The following NPY variants were observed in gnomAD, a reference collection of about 807,000 sequenced individuals.
NPY encodes the protein pro-neuropeptide Y.
Under a neutral mutation model 13.2 loss-of-function variants are expected in NPY, and 11 were observed. The ratio of observed to expected loss-of-function variants is 0.83; its 90% CI spans 0.52 to 1.38. The LOEUF is 1.38. Ranked by LOEUF, NPY falls within the 40% of genes most tolerant of loss-of-function variation. The pLI is 0.00. For missense variants in NPY, 109 were observed against 125.1 expected (o/e 0.87, Z 0.61); for synonymous variants, 51 against 55.6 (o/e 0.92, Z 0.37).
Position 24,284,260 on chromosome 7 carries a change from CCG to C in NPY, c.-10_-9del, listed in dbSNP as rs1418401860. 2 of 153,018 alleles carry C rather than the reference CCG, an allele frequency of 1.3e-5. No individual in the cohort carries two copies. Among genetic ancestry groups the C allele is most frequent in the African/African-American group, 4.8e-5 (2 of 41,316 alleles). 9.5% of individuals were successfully genotyped at this position (153,018 alleles called of 1,614,324 possible). A position where few individuals can be genotyped will look rare whatever the true frequency, so the allele number is the denominator to read the frequency against. On this transcript the variant is annotated 5_prime_UTR_variant, in exon 1 of 4. Transcript: ENST00000242152. ...CATAGTACTTGCCGCCCAGCCACGCCCGCGCGCCAGCCACCGTGAGTGCTACG... is the reference window on the plus strand; with the variant it reads ...CATAGTACTTGCCGCCCAGCCACGCCCGCGCCAGCCACCGTGAGTGCTACG...
At chr7:24,289,859 A>T (rs1787537164) in intron 3 of NPY, among the ~76,000 whole-genome samples, 1 of 152,206 alleles carries the variant, frequency 6.6e-6, no homozygotes, top group African/African-American at 2.4e-5. Flanking sequence ...GAAATTATAT[A>T]GAATTTCTAA....
chr7:24,289,698 G>A (rs1030493005), intron 3 of NPY, 119 bp downstream of exon 3: 7 of 605,424 alleles, frequency 1.2e-5, no homozygotes, highest in African/African-American at 5.7e-5. Flanking sequence ...GGGAGATTTC[G>A]GCAGAAATGA....
In NPY at chr7:24,289,398, A is replaced by G. The variant is rs974184473; in HGVS notation, c.189-101A>G. 18 of 693,782 alleles carry G rather than the reference A, an allele frequency of 2.6e-5. No individual in the cohort carries two copies. The Admixed American group carries it at 4.7e-4, about 18-fold the overall frequency. The allele number at this position is 693,782 out of a possible 1,614,324, so 43.0% of individuals were successfully genotyped here. A position where few individuals can be genotyped will look rare whatever the true frequency, so the allele number is the denominator to read the frequency against. On this transcript the variant is annotated intron_variant, in intron 2 of 3. Coordinates refer to ENST00000242152, the MANE Select transcript of NPY (RefSeq NM_000905.4). ...TTGTTACAGATGAACACCTGACAAT[A>G]ATGTTTAGTTTTCATATCCCAAATA...
At chr7:24,284,858 G>T in intron 1 of NPY, 1 of 310,748 alleles carries the variant, frequency 3.2e-6, no homozygotes, top group South Asian at 3.3e-5. Flanking sequence ...TAACAGAGAA[G>T]AAACTTTTCT....
rs1224613081 is a variant in NPY at position 24,285,741 on chromosome 7, T to C, written c.188+313T>C. ...TGGTTCTTACGGCAGTGGGGCCCGGTCCAGAAATCTCGAAAGTACCCAGTG... is the reference window on the plus strand; with the variant it reads ...TGGTTCTTACGGCAGTGGGGCCCGGCCCAGAAATCTCGAAAGTACCCAGTG... On this transcript the variant is annotated intron_variant, in intron 2 of 3. Coordinates refer to ENST00000242152, the MANE Select transcript of NPY (RefSeq NM_000905.4). This position sits in a 1 kb window ranked among gnomAD's most constrained non-coding sequence, Gnocchi z 4.9. 1.3e-5 allele frequency among the ~76,000 whole-genome samples: 2 copies of C among 152,026 alleles called. No homozygotes were observed. Among genetic ancestry groups the C allele is most frequent in the East Asian group, 3.9e-4 (2 of 5,186 alleles).
chr7:24,286,117 G>A (rs1787367208), intron 2 of NPY, among the ~76,000 whole-genome samples: 1 of 152,088 alleles, frequency 6.6e-6, no homozygotes, highest in Non-Finnish European at 1.5e-5. Flanking sequence ...GTGCCCACTT[G>A]GTATTTCATT....
intron 2 of NPY, among the ~76,000 whole-genome samples, chr7:24,286,274 A>T (rs1787374059): frequency 6.6e-6 from 1 of 151,914 alleles, no homozygotes; most frequent in South Asian, 2.1e-4. Context: ...TTAAGGGAAA[A>T]ATCAAATCCA....
rs992796706 is a variant in NPY, at chr7:24,285,678, C to T, written c.188+250C>T. On this transcript the variant is annotated intron_variant, in intron 2 of 3. Coordinates refer to ENST00000242152, the MANE Select transcript of NPY (RefSeq NM_000905.4). This position sits in a 1 kb window ranked among gnomAD's most constrained non-coding sequence, Gnocchi z 4.9. Reference sequence around the variant, plus strand: ...GATTCAGGTTCCCCAGGCTGGTAGGCTGGCAATCTCCTCTCACTCACCTCT... The same window carrying T: ...GATTCAGGTTCCCCAGGCTGGTAGGTTGGCAATCTCCTCTCACTCACCTCT... Among the ~76,000 whole-genome samples the T allele has an allele frequency of 6.6e-6, 1 of 152,092 alleles. No homozygotes were observed. The highest frequency in any genetic ancestry group is 2.4e-5 in the African/African-American group (1 of 41,412).
intron 3 of NPY, among the ~76,000 whole-genome samples, chr7:24,291,033 T>C: frequency 6.6e-6 from 1 of 152,096 alleles, no homozygotes; most frequent in East Asian, 1.9e-4. Flanking sequence ...GGGTAGACTA[T>C]ATCGACTTAC....
chr7:24,290,834 G>C (rs1170670349), intron 3 of NPY, among the ~76,000 whole-genome samples: 1 of 149,774 alleles, frequency 6.7e-6, no homozygotes, highest in African/African-American at 2.5e-5. Context: ...GAGCACAGTG[G>C]TGCAATCAAA....
At chr7:24,289,450 G>T (rs1787515782) in intron 2 of NPY, 49 bp from the exon 3 acceptor site, 1 of 1,347,680 alleles carries the variant, frequency 7.4e-7, no homozygotes, top group Non-Finnish European at 1.0e-6. Flanking sequence ...TTTCCTAAAG[G>T]TTTTTATGCC....
intron 1 of NPY, chr7:24,284,931 G>A (rs1583569508): frequency 6.5e-6 from 3 of 458,330 alleles, no homozygotes; most frequent in East Asian, 8.6e-5. Context: ...CTTCCAATTC[G>A]GTTTTGAATG....
chr7:24,285,274 C>A lies in NPY; in HGVS notation c.34C>A (p.Leu12Met), dbSNP rs772669223. ...TAACAAGCGACTGGGGCTGTCCGGA[C>A]TGACCCTCGCCCTGTCCCTGCTCGT... ...LGNKRLGLSG[L>M]TLALSLLVCL... The change falls in exon 2 of 4, where the codon CTG becomes ATG. Residue 12 changes from leucine (L) to methionine (M), a missense_variant. By Grantham distance (15) the Leu-to-Met change is conservative (BLOSUM62 2). Coordinates refer to ENST00000242152, the MANE Select transcript of NPY (RefSeq NM_000905.4). The surrounding 1 kb of genome is among the most constrained non-coding windows in gnomAD (Gnocchi z 4.9). The A allele has an allele frequency of 5.6e-6, 9 of 1,614,074 alleles. No homozygotes were observed. Among genetic ancestry groups the A allele is most frequent in the Non-Finnish European group, 7.6e-6 (9 of 1,179,986 alleles).
intron 3 of NPY, 69 bp from the exon 4 acceptor site, chr7:24,291,584 ATCTAAATGTC>A: frequency 6.6e-7 from 1 of 1,522,870 alleles, no homozygotes; most frequent in Non-Finnish European, 9.1e-7. Context: ...TTCACTTCAG[ATCTAAATGTC>A]TCACCCTTGC....
Position 24,289,591 on chromosome 7 carries a change from C to T in NPY, c.269+12C>T. The stretch of plus-strand genomic sequence containing the variant: ...GTTCCCAGAACTCGGTATGACAAGG[C>T]TTGTGATGGGGACATTGTTGCAGAG... On this transcript the variant is annotated intron_variant, in intron 3 of 3. Coordinates refer to ENST00000242152, the MANE Select transcript of NPY (RefSeq NM_000905.4). 4.4e-6 allele frequency: 7 copies of T among 1,603,886 alleles called. No homozygotes were observed. Among genetic ancestry groups the T allele is most frequent in the African/African-American group, 2.7e-5 (2 of 74,512 alleles).
At chr7:24,290,759 A>AAATAATAATAAT (rs747171869) in intron 3 of NPY, among the ~76,000 whole-genome samples, 66 of 133,112 alleles carry the variant, frequency 5.0e-4, no homozygotes, top group Middle Eastern at 7.5e-3. Flanking sequence ...TTTTTTAATT[A>AAATAATAATAAT]AATAATAATA....
At chr7:24,284,889 A>G in intron 1 of NPY, 1 of 367,478 alleles carries the variant, frequency 2.7e-6, no homozygotes, top group African/African-American at 2.1e-5. Flanking sequence ...GAGTTTGGGC[A>G]AGAAGGGAGA....
chr7:24,291,360 A>T (rs529835911), intron 3 of NPY, among the ~76,000 whole-genome samples: 2 of 152,292 alleles, frequency 1.3e-5, no homozygotes, highest in South Asian at 2.1e-4. Flanking sequence ...TGTAATTTTG[A>T]TTTTCAAAAG....
intron 2 of NPY, among the ~76,000 whole-genome samples, chr7:24,287,722 C>G (rs1787444542): frequency 6.6e-6 from 1 of 152,102 alleles, no homozygotes; most frequent in Non-Finnish European, 1.5e-5. Flanking sequence ...GCCAAGGAGG[C>G]TGCTAAATAT....
Sources: gnomAD v4.1 joint callset for allele counts (sites outside exome capture counted in the v4.1 genomes callset) on GRCh38, gnomAD v4.1.1 for gene constraint, Gnocchi (gnomAD v3.1) non-coding constraint, MANE v1.5 for transcripts, NCBI Gene and HGNC (gene_info 2026-07-23, HGNC 2026-07-21) for gene names.